Variants in PDE1A observed in about 807,000 individuals in gnomAD.
PDE1A encodes dual specificity calcium/calmodulin-dependent 3',5'-cyclic nucleotide phosphodiesterase 1A.
A neutral mutation model predicts 61.7 loss-of-function variants in PDE1A; 35 were observed. The observed-to-expected ratio is 0.57, with a 90% CI of 0.43 to 0.75. The LOEUF (loss-of-function observed/expected upper bound fraction) is 0.75. PDE1A is among the 30% of genes least tolerant of loss of function. The pLI is 0.00. For missense variants in PDE1A, 597 were observed against 630.6 expected (o/e 0.95, Z 0.57); for synonymous variants, 232 against 213.2 (o/e 1.09, Z -0.77).
chr2:182,706,638 T>C, the PDE1A span, among the ~76,000 whole-genome samples: 166 of 152,200 alleles, frequency 1.1e-3, no homozygotes, highest in African/African-American at 3.9e-3. Context: ...TTTCATATTC[T>C]GGCTACCAAA....
chr2:182,642,699 T>C, the PDE1A span, among the ~76,000 whole-genome samples: 13 of 152,318 alleles, frequency 8.5e-5, no homozygotes, highest in South Asian at 2.7e-3. Flanking sequence ...TCTTTTTCAC[T>C]TACCTCTGAT....
At position 182,403,630 on chromosome 2, in the gene PDE1A, A is replaced by G. The variant is rs754232336; in HGVS notation, c.53+22948T>C. ...AAAAAAAAAAGAAAATGTGGCACAT[A>G]TACACCATGGAATACTATGCAGCCA... is the stretch of plus-strand genomic sequence containing the variant. On this transcript the variant is annotated intron_variant, in intron 1 of 13. Transcript: ENST00000351439. Among the ~76,000 whole-genome samples, 233 of 151,530 alleles carry G rather than the reference A, an allele frequency of 1.5e-3. 1 individual carries two copies. Among genetic ancestry groups the G allele is most frequent in the Middle Eastern group, 3.4e-3 (1 of 290 alleles).
chr2:182,505,110 T>A (rs1004994773), intron 2 of PDE1A, among the ~76,000 whole-genome samples: 3 of 152,120 alleles, frequency 2.0e-5, no homozygotes, highest in Admixed American at 2.0e-4. Context: ...CACACAGCCG[T>A]CTCCACTCAC....
chr2:182,158,068 TG>T (rs937423425), intron 13 of PDE1A, among the ~76,000 whole-genome samples: 1 of 152,194 alleles, frequency 6.6e-6, no homozygotes, highest in Admixed American at 6.5e-5. Flanking sequence ...CTGGCTATGA[TG>T]GGGGGTTATT....
At chr2:182,312,598 T>TA (rs1696058100) in intron 1 of PDE1A, among the ~76,000 whole-genome samples, 1 of 152,166 alleles carries the variant, frequency 6.6e-6, no homozygotes, top group Non-Finnish European at 1.5e-5. Flanking sequence ...TACCTCTGTG[T>TA]AAAAAATAGA....
the PDE1A span, among the ~76,000 whole-genome samples, chr2:182,552,935 C>T: frequency 6.6e-6 from 1 of 152,302 alleles, no homozygotes; most frequent in East Asian, 1.9e-4. Context: ...CTCGCAGACC[C>T]GCTGCTGACT....
the PDE1A span, among the ~76,000 whole-genome samples, chr2:182,558,681 G>C: frequency 2.0e-5 from 3 of 152,176 alleles, no homozygotes; most frequent in Admixed American, 2.0e-4. Context: ...TGCATGACAA[G>C]AGTGATTTAT....
chr2:182,481,728 T>C (rs1687713401), intron 2 of PDE1A, among the ~76,000 whole-genome samples: 3 of 151,922 alleles, frequency 2.0e-5, no homozygotes, highest in Non-Finnish European at 4.4e-5. Flanking sequence ...AGCACCAACA[T>C]TGCCTTATAG....
chr2:182,467,323 T>A (rs1686739499), intron 2 of PDE1A, among the ~76,000 whole-genome samples: 2 of 151,938 alleles, frequency 1.3e-5, no homozygotes, highest in South Asian at 4.1e-4. Flanking sequence ...TGCACCTAAA[T>A]GAAAGGGGAA....
chr2:182,557,248 A>C, the PDE1A span, among the ~76,000 whole-genome samples: 1 of 152,220 alleles, frequency 6.6e-6, no homozygotes. Flanking sequence ...TGTATCAAAA[A>C]CAAACAAAAA....
At chr2:182,302,199 G>T (rs1695289968) in intron 1 of PDE1A, among the ~76,000 whole-genome samples, 1 of 152,144 alleles carries the variant, frequency 6.6e-6, no homozygotes, top group Admixed American at 6.5e-5. Flanking sequence ...TGCAGTTCTT[G>T]CATCTCTTTA....
the PDE1A span, among the ~76,000 whole-genome samples, chr2:182,628,823 C>CG: frequency 6.6e-6 from 1 of 152,216 alleles, no homozygotes; most frequent in East Asian, 1.9e-4. Flanking sequence ...CTTGACCCCC[C>CG]CAGTGATCCA....
At chr2:182,371,553 A>T (rs547463473) in intron 1 of PDE1A, among the ~76,000 whole-genome samples, 18 of 152,180 alleles carry the variant, frequency 1.2e-4, no homozygotes, top group African/African-American at 4.3e-4. Flanking sequence ...ACACATTTAC[A>T]ATTTTGCCCT....
At chr2:182,452,428 C>A (rs544788587) in intron 2 of PDE1A, among the ~76,000 whole-genome samples, 1 of 152,222 alleles carries the variant, frequency 6.6e-6, no homozygotes, top group Admixed American at 6.5e-5. Context: ...TAAGTGCACG[C>A]TAGAAGTCTG....
intron 2 of PDE1A, among the ~76,000 whole-genome samples, chr2:182,447,127 A>ACG (rs1685192023): frequency 6.6e-6 from 1 of 151,532 alleles, no homozygotes. Flanking sequence ...TTACACACAC[A>ACG]CACACACACA....
intron 10 of PDE1A, among the ~76,000 whole-genome samples, chr2:182,192,752 A>G (rs1233869766): frequency 1.3e-5 from 2 of 152,128 alleles, no homozygotes; most frequent in Non-Finnish European, 2.9e-5. Flanking sequence ...TGAGGTTCTC[A>G]GGCCCCACAG....
chr2:182,565,876 T>C, the PDE1A span, among the ~76,000 whole-genome samples: 2 of 152,112 alleles, frequency 1.3e-5, no homozygotes, highest in Non-Finnish European at 2.9e-5. Context: ...CCACTCTTCG[T>C]AGAAATTATC....
At chr2:182,688,864 G>T in the PDE1A span, among the ~76,000 whole-genome samples, 2 of 152,104 alleles carry the variant, frequency 1.3e-5, no homozygotes, top group Non-Finnish European at 2.9e-5. Context: ...ACAAAAAAAG[G>T]CAGGGGTTGC....
At chr2:182,639,244 A>G in the PDE1A span, among the ~76,000 whole-genome samples, 1 of 152,198 alleles carries the variant, frequency 6.6e-6, no homozygotes, top group Non-Finnish European at 1.5e-5. Context: ...GTAAGAAAAC[A>G]GAAGAAGATG....
Sources: gnomAD v4.1 joint callset for allele counts (sites outside exome capture counted in the v4.1 genomes callset) on GRCh38, gnomAD v4.1.1 for gene constraint, MANE v1.5 for transcripts, NCBI Gene and HGNC (gene_info 2026-07-23, HGNC 2026-07-21) for gene names.